Variants in TOB1 observed in about 807,000 individuals in gnomAD.
TOB1 encodes protein Tob1.
In TOB1, 2 loss-of-function variants were observed where a neutral mutation model predicts 22.9. The observed-to-expected ratio is 0.09, with a 90% CI of 0.04 to 0.28. The LOEUF is 0.28. Ranked by LOEUF, TOB1 falls within the 10% of genes least tolerant of loss-of-function variation. TOB1 has a pLI of 1.00. For synonymous variants in TOB1, 154 were observed against 150.6 expected (o/e 1.02, Z -0.17); for missense variants, 299 against 420.5 (o/e 0.71, Z 2.53).
rs1480812698 is a variant in TOB1, at chr17:50,866,183, TGAGGACA to T, written c.-279_-273del. ...GTGCAAGACGTTGCCGCTGCGGGGCTGAGGACAGAGGACAGAGGCCTCGGGCAGGCCT... is the reference window on the plus strand; with the variant it reads ...GTGCAAGACGTTGCCGCTGCGGGGCTGAGGACAGAGGCCTCGGGCAGGCCT... On this transcript the variant is annotated 5_prime_UTR_variant, in exon 1 of 2. Coordinates refer to ENST00000499247, the MANE Select transcript of TOB1 (RefSeq NM_005749.4). The T allele has an allele frequency of 2.6e-5, 4 of 152,192 alleles. No individual in the cohort carries two copies. The highest frequency in any genetic ancestry group is 4.8e-5 in the African/African-American group (2 of 41,408). 9.4% of individuals were successfully genotyped at this position (152,192 alleles called of 1,614,324 possible).
chr17:50,865,413 G>A (rs1393064721), intron 1 of TOB1, among the ~76,000 whole-genome samples: 1 of 152,220 alleles, frequency 6.6e-6, no homozygotes, highest in Admixed American at 6.5e-5. Context: ...TACATAAACA[G>A]CCAGTTAGAT....
At chr17:50,865,649 T>TCCCCGCCCCGTGGC (rs1293714357) in intron 1 of TOB1, among the ~76,000 whole-genome samples, 1 of 151,206 alleles carries the variant, frequency 6.6e-6, no homozygotes, top group Non-Finnish European at 1.5e-5. Context: ...GACCCGCTGC[T>TCCCCGCCCCGTGGC]CCCCGCCCCG....
intron 1 of TOB1, among the ~76,000 whole-genome samples, chr17:50,865,602 G>A (rs963325986): frequency 5.9e-5 from 9 of 152,200 alleles, no homozygotes; most frequent in Non-Finnish European, 1.3e-4. Context: ...GCAGGTCGGG[G>A]CGCCGGGTCA....
chr17:50,866,553 T>A (rs1433035706), upstream of TOB1: 1 of 152,188 alleles, frequency 6.6e-6, no homozygotes, highest in Non-Finnish European at 1.5e-5. Context: ...AAGTCCCGCC[T>A]GCCCCTGTCC....
chr17:50,863,015 A>T lies in TOB1; in HGVS notation c.1003T>A (p.Ser335Thr), dbSNP rs779968148. ...LNFSLNNMQY[S>T]NQQFQPVMAN ...ATAACAGGCTGGAATTGCTGGTTAG[A>T]ATACTGCATGTTATTTAAGCTAAAA... Residue 335 changes from serine (S) to threonine (T), a missense_variant, in exon 2 of 2, where the codon TCT becomes ACT. Ser to Thr is a moderately conservative substitution (Grantham distance 58). Transcript: ENST00000499247. 1 of 1,613,944 alleles carries T rather than the reference A, an allele frequency of 6.2e-7. No individual in the cohort carries two copies. The highest frequency in any genetic ancestry group is 8.5e-7 in the Non-Finnish European group (1 of 1,179,952).
intron 1 of TOB1, among the ~76,000 whole-genome samples, chr17:50,864,893 C>G (rs542349989): frequency 7.7e-4 from 117 of 152,270 alleles, no homozygotes; most frequent in African/African-American, 2.7e-3. Context: ...TATTCGGCAG[C>G]AAGTATAACA....
chr17:50,862,962 C>T lies in TOB1; in HGVS notation c.*18G>A, dbSNP rs541611057. On this transcript the variant is annotated 3_prime_UTR_variant, in exon 2 of 2. Coordinates refer to ENST00000499247, the MANE Select transcript of TOB1 (RefSeq NM_005749.4). ...TTGGGCCCGTGCATTTTAACTTGTACGATACATTTTCTTTTTTTTAGTTAG... is the reference window on the plus strand; with the variant it reads ...TTGGGCCCGTGCATTTTAACTTGTATGATACATTTTCTTTTTTTTAGTTAG... 6.3e-5 allele frequency: 100 copies of T among 1,582,254 alleles called. No individual in the cohort carries two copies. Among genetic ancestry groups the T allele is most frequent in the Middle Eastern group, 3.4e-4 (2 of 5,886 alleles).
At chr17:50,864,240 T>C (rs1057133520) in intron 1 of TOB1, 77 bp from the exon 2 acceptor site, 2 of 798,422 alleles carry the variant, frequency 2.5e-6, no homozygotes, top group East Asian at 3.7e-5. Flanking sequence ...CCAAAGTAAT[T>C]TCACCTTTCA....
At chr17:50,865,409 A>T (rs547443407) in intron 1 of TOB1, among the ~76,000 whole-genome samples, 111 of 152,340 alleles carry the variant, frequency 7.3e-4, no homozygotes, top group Non-Finnish European at 1.3e-3. Context: ...GAATTACATA[A>T]ACAGCCAGTT....
At chr17:50,865,120 T>TC (rs1567915472) in intron 1 of TOB1, among the ~76,000 whole-genome samples, 3 of 152,184 alleles carry the variant, frequency 2.0e-5, no homozygotes, top group Non-Finnish European at 4.4e-5. Flanking sequence ...ACAGAAGATA[T>TC]TTGCGAAAGG....
chr17:50,864,548 G>T (rs1165251417), intron 1 of TOB1, among the ~76,000 whole-genome samples: 1 of 151,400 alleles, frequency 6.6e-6, no homozygotes, highest in Non-Finnish European at 1.5e-5. Flanking sequence ...CATATATATA[G>T]ATGCCACTTT....
At chr17:50,864,431 C>T (rs761731215) in intron 1 of TOB1, among the ~76,000 whole-genome samples, 1 of 152,044 alleles carries the variant, frequency 6.6e-6, no homozygotes, top group African/African-American at 2.4e-5. Context: ...CTTTTAAAAA[C>T]CTGTTTCTGA....
rs1178194232 is a variant in TOB1 at position 50,863,688 on chromosome 17, C to A, written c.330G>T (p.Lys110Asn). 1 of 1,614,140 alleles carries A rather than the reference C, an allele frequency of 6.2e-7. No individual in the cohort carries two copies. Among genetic ancestry groups the A allele is most frequent in the Non-Finnish European group, 8.5e-7 (1 of 1,180,014 alleles). Residue 110 changes from lysine to asparagine, a missense_variant, in exon 2 of 2, where the codon AAG becomes AAT. By Grantham distance (94) the Lys-to-Asn change is moderately conservative (BLOSUM62 0). Coordinates refer to ENST00000499247, the MANE Select transcript of TOB1 (RefSeq NM_005749.4). Reference protein sequence around the residue: ...SYQIGEKGPVKVLYVDDNNEN... With the variant: ...SYQIGEKGPVNVLYVDDNNEN... ...CATTATTATCATCCACGTAAAGCAC[C>A]TTCACTGGTCCCTTTTCACCAATTT...
chr17:50,864,186 C>T, intron 1 of TOB1, 23 bp from the exon 2 acceptor site: 1 of 1,291,388 alleles, frequency 7.7e-7, no homozygotes, highest in Non-Finnish European at 1.0e-6. Context: ...GCAAACATAT[C>T]CAAATAAGAT....
Position 50,863,823 on chromosome 17 carries a change from G to A in TOB1, c.195C>T (p.Asp65=). ...CTTTGGATGCTTGTTCAATCACTGG[G>A]TCCACTTTCTCCCCTATGTGTATAC... ...FRCIHIGEKV[D]PVIEQASKES... is the part of the protein sequence containing the mutation. Residue 65 remains aspartate (D), a synonymous_variant, in exon 2 of 2, where the codon GAC becomes GAT. Coordinates refer to ENST00000499247, the MANE Select transcript of TOB1 (RefSeq NM_005749.4). The A allele has an allele frequency of 6.2e-7, 1 of 1,613,918 alleles. No homozygotes were observed. The highest frequency in any genetic ancestry group is 8.5e-7 in the Non-Finnish European group (1 of 1,179,982).
At chr17:50,865,164 A>G (rs547698378) in intron 1 of TOB1, among the ~76,000 whole-genome samples, 1 of 152,366 alleles carries the variant, frequency 6.6e-6, no homozygotes, top group African/African-American at 2.4e-5. Flanking sequence ...ATTTAAAAGT[A>G]CGTTTAAAAA....
Position 50,862,911 on chromosome 17 carries a change from C to T in TOB1, c.*69G>A. The T allele has an allele frequency of 6.8e-7, 1 of 1,479,074 alleles. No homozygotes were observed. The allele number at this position is 1,479,074 out of a possible 1,614,324, so 91.6% of individuals were successfully genotyped here. On this transcript the variant is annotated 3_prime_UTR_variant, in exon 2 of 2. Coordinates refer to ENST00000499247, the MANE Select transcript of TOB1 (RefSeq NM_005749.4). ...CTATAAGCTTAAAAAAAAAAATTCTCAAGGAGGTGAAAAAAAAAATCCCCC... is the reference window on the plus strand; with the variant it reads ...CTATAAGCTTAAAAAAAAAAATTCTTAAGGAGGTGAAAAAAAAAATCCCCC...
At chr17:50,864,457 G>C in intron 1 of TOB1, among the ~76,000 whole-genome samples, 1 of 152,168 alleles carries the variant, frequency 6.6e-6, no homozygotes, top group East Asian at 1.9e-4. Context: ...GTTCTAAGAA[G>C]AAAAATCTCT....
Position 50,863,096 on chromosome 17 carries a change from C to T in TOB1, c.922G>A (p.Asp308Asn), listed in dbSNP as rs1374259074. 1 of 1,614,212 alleles carries T rather than the reference C, an allele frequency of 6.2e-7. No individual in the cohort carries two copies. The highest frequency in any genetic ancestry group is 1.1e-5 in the South Asian group (1 of 91,082). Residue 308 changes from aspartate to asparagine, a missense_variant, in exon 2 of 2, where the codon GAT becomes AAT. Asp to Asn is a conservative substitution (Grantham distance 23). Coordinates refer to ENST00000499247, the MANE Select transcript of TOB1 (RefSeq NM_005749.4). ...LSPLQYSNAF[D>N]VFAAYGGLNE... ...AGGCCTCCATAGGCTGCAAACACAT[C>T]AAAGGCATTACTGTACTGGAGAGGA...
Sources: allele counts gnomAD v4.1 joint callset (sites outside exome capture counted in the v4.1 genomes callset), GRCh38; gene constraint gnomAD v4.1.1; transcripts MANE v1.5; gene names NCBI Gene and HGNC (gene_info 2026-07-23, HGNC 2026-07-21).